The following GSTCD variants were observed in gnomAD, a reference collection of about 807,000 sequenced individuals.
The protein encoded by GSTCD is glutathione S-transferase C-terminal domain containing.
A neutral mutation model predicts 68.3 loss-of-function variants in GSTCD; 44 were observed. The ratio of observed to expected loss-of-function variants is 0.64; its 90% CI spans 0.51 to 0.83. The LOEUF is 0.83. Ranked by LOEUF, GSTCD falls within the 40% of genes least tolerant of loss-of-function variation. The pLI is 0.00. For missense variants in GSTCD, 739 were observed against 735.9 expected (o/e 1.00, Z -0.05); for synonymous variants, 273 against 255.2 (o/e 1.07, Z -0.67).
Position 105,834,894 on chromosome 4 carries a change from C to T in GSTCD, c.1664+300C>T, listed in dbSNP as rs550918271. ...TTCCGAATAAATTTAAAACTGTAACCGTACATAATGTCTATGAGAGGCAGT... is the reference window on the plus strand; with the variant it reads ...TTCCGAATAAATTTAAAACTGTAACTGTACATAATGTCTATGAGAGGCAGT... On this transcript the variant is annotated intron_variant, in intron 9 of 11. Transcript: ENST00000515279. Among the ~76,000 whole-genome samples the T allele has an allele frequency of 9.2e-5, 14 of 152,256 alleles. No homozygotes were observed. In the East Asian group the frequency reaches 1.2e-3, roughly 13 times the overall value.
intron 9 of GSTCD, among the ~76,000 whole-genome samples, chr4:105,837,342 C>A (rs1370709583): frequency 6.6e-6 from 1 of 152,164 alleles, no homozygotes; most frequent in East Asian, 1.9e-4. Context: ...CGGCCCTATG[C>A]CTGAGTTCAC....
intron 5 of GSTCD, among the ~76,000 whole-genome samples, chr4:105,758,340 A>G (rs576446905): frequency 3.8e-4 from 58 of 152,162 alleles, no homozygotes; most frequent in Admixed American, 7.9e-4. Context: ...TGTAATCCCC[A>G]GTGCTGGAGG....
intron 5 of GSTCD, among the ~76,000 whole-genome samples, chr4:105,733,117 C>T (rs1430755178): frequency 6.6e-6 from 1 of 152,088 alleles, no homozygotes; most frequent in Non-Finnish European, 1.5e-5. Flanking sequence ...ACTATGTGGT[C>T]AATTTTGGAA....
intron 9 of GSTCD, among the ~76,000 whole-genome samples, 156 bp from the exon 10 acceptor site, chr4:105,837,703 T>C (rs1163098200): frequency 6.6e-6 from 1 of 152,254 alleles, no homozygotes; most frequent in Non-Finnish European, 1.5e-5. Flanking sequence ...TTTCTGTCTT[T>C]TTATAAAAGC....
chr4:105,737,839 A>T (rs1288041367), intron 5 of GSTCD, among the ~76,000 whole-genome samples: 2 of 152,200 alleles, frequency 1.3e-5, no homozygotes, highest in African/African-American at 4.8e-5. Flanking sequence ...ATTTGAACCC[A>T]AATGTTGAAA....
intron 11 of GSTCD, 77 bp downstream of exon 11, chr4:105,842,211 G>A: frequency 8.5e-7 from 1 of 1,170,660 alleles, no homozygotes; most frequent in South Asian, 1.4e-5. Context: ...AGTCTATATG[G>A]GAAAAATTTA....
At chr4:105,791,129 C>A (rs1047318892) in intron 5 of GSTCD, among the ~76,000 whole-genome samples, 9 of 152,070 alleles carry the variant, frequency 5.9e-5, no homozygotes, top group African/African-American at 1.9e-4. Flanking sequence ...CACGGTGGTT[C>A]ATGCCTGTAA....
chr4:105,790,258 T>A (rs1423488813), intron 5 of GSTCD, among the ~76,000 whole-genome samples: 1 of 152,032 alleles, frequency 6.6e-6, no homozygotes, highest in Non-Finnish European at 1.5e-5. Context: ...TTTAAGAAAA[T>A]GATAGATATG....
intron 5 of GSTCD, among the ~76,000 whole-genome samples, chr4:105,787,371 C>T (rs1735504346): frequency 6.6e-6 from 1 of 151,936 alleles, no homozygotes. Context: ...GATTGTTGTC[C>T]CTGTTATGCT....
intron 5 of GSTCD, among the ~76,000 whole-genome samples, chr4:105,749,946 A>G (rs934371480): frequency 3.9e-5 from 6 of 152,224 alleles, no homozygotes; most frequent in Admixed American, 1.3e-4. Context: ...ACTTGGATCA[A>G]GATATATAAA....
intron 8 of GSTCD, among the ~76,000 whole-genome samples, chr4:105,833,304 A>T (rs757103431): frequency 1.3e-5 from 2 of 152,166 alleles, no homozygotes; most frequent in Non-Finnish European, 2.9e-5. Context: ...ATCTCTACTA[A>T]AAATACAAAA....
chr4:105,753,073 C>T (rs1734060458), intron 5 of GSTCD, among the ~76,000 whole-genome samples: 1 of 152,002 alleles, frequency 6.6e-6, no homozygotes, highest in Admixed American at 6.6e-5. Flanking sequence ...TTTTCCTAAG[C>T]ACTTTATATT....
At chr4:105,736,680 A>G (rs529538740) in intron 5 of GSTCD, among the ~76,000 whole-genome samples, 127 of 152,176 alleles carry the variant, frequency 8.3e-4, no homozygotes, top group Non-Finnish European at 1.6e-3. Context: ...TGTAGAACCC[A>G]GGAACATATT....
intron 5 of GSTCD, among the ~76,000 whole-genome samples, chr4:105,805,080 C>T (rs1318526691): frequency 6.6e-6 from 1 of 151,634 alleles, no homozygotes; most frequent in African/African-American, 2.4e-5. Context: ...AAGCTAAATT[C>T]AATAATTGAA....
intron 9 of GSTCD, among the ~76,000 whole-genome samples, chr4:105,836,814 A>G (rs1436638058): frequency 2.6e-5 from 4 of 152,172 alleles, no homozygotes; most frequent in Non-Finnish European, 5.9e-5. Context: ...TTGAACTGAT[A>G]TCTTTAGAAA....
chr4:105,796,201 A>AAG (rs949524319), intron 5 of GSTCD, among the ~76,000 whole-genome samples: 5 of 152,210 alleles, frequency 3.3e-5, no homozygotes, highest in African/African-American at 1.2e-4. Context: ...GCAGCAGGCA[A>AAG]AGAGAGAGAG....
chr4:105,793,004 A>G (rs945150123), intron 5 of GSTCD, among the ~76,000 whole-genome samples: 6 of 152,070 alleles, frequency 3.9e-5, no homozygotes, highest in Non-Finnish European at 7.4e-5. Flanking sequence ...TTGTGTAATA[A>G]AATCTGTAAT....
chr4:105,833,112 A>T (rs1410498447), intron 8 of GSTCD, among the ~76,000 whole-genome samples: 8 of 152,162 alleles, frequency 5.3e-5, no homozygotes, highest in African/African-American at 1.7e-4. Context: ...CCTCTTCCTG[A>T]TAGAGTATTG....
At chr4:105,724,893 A>G (rs1732980363) in intron 3 of GSTCD, among the ~76,000 whole-genome samples, 2 of 152,008 alleles carry the variant, frequency 1.3e-5, no homozygotes. Flanking sequence ...AATGTTGTCC[A>G]ATTAACTCTC....
Sources: allele counts gnomAD v4.1 joint callset (sites outside exome capture counted in the v4.1 genomes callset), GRCh38; gene constraint gnomAD v4.1.1; transcripts MANE v1.5; gene names NCBI Gene and HGNC (gene_info 2026-07-23, HGNC 2026-07-21).